The following PTPN13 variants were observed in gnomAD, a reference collection of about 807,000 sequenced individuals.
PTPN13 encodes protein tyrosine phosphatase non-receptor type 13, also known as tyrosine-protein phosphatase non-receptor type 13.
In PTPN13, 191 loss-of-function variants were observed where a neutral mutation model predicts 284.0. The ratio of observed to expected loss-of-function variants is 0.67; its 90% CI spans 0.60 to 0.76. PTPN13 has a LOEUF of 0.76. Among genes scored for constraint, PTPN13 ranks in the 30% least tolerant of loss-of-function variants. PTPN13 has a pLI of 0.00. For missense variants in PTPN13, 2,797 were observed against 2,939.9 expected, an observed-to-expected ratio of 0.95 and a Z score of 1.12; for synonymous variants, 986 against 1,022.3, an observed-to-expected ratio of 0.96 and a Z score of 0.68.
chr4:86,781,302 AT>A (rs3836604), intron 36 of PTPN13, among the ~76,000 whole-genome samples: 20,330 of 151,998 alleles, frequency 0.13, 1,739 homozygotes, highest in East Asian at 0.28. Context: ...ACTCTACCGT[AT>A]TTTTCTCAGT....
At chr4:86,721,661 A>G (rs963049586) in intron 9 of PTPN13, among the ~76,000 whole-genome samples, 8 of 150,568 alleles carry the variant, frequency 5.3e-5, no homozygotes, top group Non-Finnish European at 8.9e-5. Flanking sequence ...CAAAGATCAT[A>G]TATGTATTTC....
intron 37 of PTPN13, among the ~76,000 whole-genome samples, chr4:86,782,884 T>C (rs1741481775): frequency 6.6e-6 from 1 of 152,204 alleles, no homozygotes; most frequent in Non-Finnish European, 1.5e-5. Flanking sequence ...CCCATTTGGC[T>C]AACATCCCTT....
At chr4:86,710,292 G>C (rs1732245842) in intron 7 of PTPN13, among the ~76,000 whole-genome samples, 1 of 152,234 alleles carries the variant, frequency 6.6e-6, no homozygotes, top group African/African-American at 2.4e-5. Flanking sequence ...TGTAATTTGG[G>C]TCATGTATTA....
At chr4:86,728,796 A>G (rs1377100391) in intron 10 of PTPN13, among the ~76,000 whole-genome samples, 4 of 145,976 alleles carry the variant, frequency 2.7e-5, no homozygotes, top group African/African-American at 5.0e-5. Context: ...TCTTTATCCA[A>G]TTTGCCAGTT....
chr4:86,625,224 A>G (rs1721697220), intron 1 of PTPN13, among the ~76,000 whole-genome samples: 2 of 151,970 alleles, frequency 1.3e-5, no homozygotes, highest in Admixed American at 1.3e-4. Context: ...ACTTAGCTTC[A>G]TCTCTTGTCT....
chr4:86,631,234 T>C (rs1722439629), intron 1 of PTPN13, among the ~76,000 whole-genome samples: 1 of 152,186 alleles, frequency 6.6e-6, no homozygotes, highest in Non-Finnish European at 1.5e-5. Context: ...TGTAACTAAT[T>C]CTGTCCTCAT....
At chr4:86,665,326 G>A (rs1327318325) in intron 2 of PTPN13, among the ~76,000 whole-genome samples, 9 of 152,120 alleles carry the variant, frequency 5.9e-5, no homozygotes, top group Admixed American at 5.9e-4. Context: ...GGAGTAACAT[G>A]TTTGCATGAT....
At chr4:86,643,584 ATTAC>A (rs1167023327) in intron 2 of PTPN13, among the ~76,000 whole-genome samples, 2 of 152,166 alleles carry the variant, frequency 1.3e-5, no homozygotes, top group Non-Finnish European at 2.9e-5. Flanking sequence ...TTTTTATACA[ATTAC>A]TTTTATTGCA....
At chr4:86,735,317 G>T (rs762775815) in intron 14 of PTPN13, among the ~76,000 whole-genome samples, 2 of 152,192 alleles carry the variant, frequency 1.3e-5, no homozygotes, top group Non-Finnish European at 2.9e-5. Context: ...AAGCTGTGCT[G>T]CTGGAGCAGC....
At chr4:86,665,363 G>T (rs1413354135) in intron 2 of PTPN13, among the ~76,000 whole-genome samples, 1 of 152,110 alleles carries the variant, frequency 6.6e-6, no homozygotes, top group African/African-American at 2.4e-5. Context: ...ATTGCAACTT[G>T]TATTACAAAT....
chr4:86,773,936 A>G (rs1740299273), intron 32 of PTPN13, among the ~76,000 whole-genome samples: 1 of 152,198 alleles, frequency 6.6e-6, no homozygotes, highest in Non-Finnish European at 1.5e-5. Context: ...TTACCAAAAA[A>G]AAAGCTTTGT....
At chr4:86,800,287 C>G (rs1048943745) in intron 42 of PTPN13, among the ~76,000 whole-genome samples, 8 of 151,762 alleles carry the variant, frequency 5.3e-5, no homozygotes, top group African/African-American at 1.9e-4. Context: ...TATTTTATAT[C>G]AGGAAGTGTC....
chr4:86,625,186 A>G (rs947703668), intron 1 of PTPN13, among the ~76,000 whole-genome samples: 2 of 152,070 alleles, frequency 1.3e-5, no homozygotes, highest in Non-Finnish European at 2.9e-5. Context: ...TATATCTTGG[A>G]ACTTTCATGA....
At chr4:86,652,194 T>TCTA (rs149869286) in intron 2 of PTPN13, among the ~76,000 whole-genome samples, 7,089 of 152,304 alleles carry the variant, frequency 0.047, 220 homozygotes, top group African/African-American at 0.061. Flanking sequence ...TTTCTTTTCT[T>TCTA]CTAATTTTGA....
chr4:86,659,757 G>A (rs149746589), intron 2 of PTPN13, among the ~76,000 whole-genome samples: 1,571 of 151,922 alleles, frequency 0.01, 24 homozygotes, highest in African/African-American at 0.036. Flanking sequence ...CAGAGGTTGC[G>A]GTGAGCCGAG....
chr4:86,763,285 A>C, intron 24 of PTPN13, 95 bp downstream of exon 24: 2 of 1,063,928 alleles, frequency 1.9e-6, no homozygotes, highest in Non-Finnish European at 2.8e-6. Context: ...AGATGCTTTC[A>C]TTATTCTGGA....
At position 86,700,541 on chromosome 4, in the gene PTPN13, T is replaced by C. The variant is rs562813715; in HGVS notation, c.635-700T>C. Among the ~76,000 whole-genome samples, 3 of 152,268 alleles carry C rather than the reference T, an allele frequency of 2.0e-5. No homozygotes were observed. The South Asian group carries it at 6.2e-4, about 32-fold the overall frequency. ...GACTAAAGAATAAGAGTTGGTACTT[T>C]ATTACAATTGGCAAATAATGGTAAA... On this transcript the variant is annotated intron_variant, in intron 6 of 47. Coordinates refer to ENST00000411767, the MANE Select transcript of PTPN13 (RefSeq NM_080683.3).
At chr4:86,804,215 TC>T (rs1328479512) in intron 43 of PTPN13, among the ~76,000 whole-genome samples, 1 of 152,082 alleles carries the variant, frequency 6.6e-6, no homozygotes, top group African/African-American at 2.4e-5. Context: ...AACAGAAGGT[TC>T]TAATTTAATA....
At chr4:86,753,410 G>A (rs1183003665) in intron 20 of PTPN13, among the ~76,000 whole-genome samples, 9 of 151,920 alleles carry the variant, frequency 5.9e-5, no homozygotes, top group East Asian at 1.9e-4. Flanking sequence ...TCATTCAGAC[G>A]GAACAATAAA....
Sources: allele counts gnomAD v4.1 joint callset (sites outside exome capture counted in the v4.1 genomes callset), GRCh38; gene constraint gnomAD v4.1.1; transcripts MANE v1.5; gene names NCBI Gene and HGNC (gene_info 2026-07-23, HGNC 2026-07-21).